SNTG2: variants seen among roughly 807,000 people sequenced by gnomAD.
SNTG2 encodes gamma-2-syntrophin.
A neutral mutation model predicts 70.9 loss-of-function variants in SNTG2; 74 were observed. That is an observed-to-expected ratio of 1.04 (90% CI 0.86 to 1.27). The LOEUF is 1.27. Among genes scored for constraint, SNTG2 ranks in the 50% most tolerant of loss-of-function variants. The pLI, the probability that SNTG2 is intolerant of heterozygous loss-of-function variation, is 0.00. For synonymous variants in SNTG2, 278 were observed against 273.8 expected (o/e 1.02, Z -0.15); for missense variants, 717 against 690.7 (o/e 1.04, Z -0.43).
rs1191064821 is a variant in SNTG2 at position 1,008,634 on chromosome 2, TGTC to T, written c.72+57569_72+57571del. ...GTATTAACATTACAGAAACCTGTAA[TGTC>T]GTAGAACTAATGATAGGTGACATAA... On this transcript the variant is annotated intron_variant, in intron 1 of 16. Transcript: ENST00000308624. 5.3e-5 allele frequency among the ~76,000 whole-genome samples: 8 copies of T among 152,350 alleles called. No homozygotes were observed. In the East Asian group the frequency reaches 1.3e-3, roughly 26 times the overall value.
intron 1 of SNTG2, among the ~76,000 whole-genome samples, chr2:1,034,768 A>G (rs767199431): frequency 1.5e-4 from 23 of 152,228 alleles, no homozygotes; most frequent in African/African-American, 5.3e-4. Flanking sequence ...CCGCACAATA[A>G]TAATGGGAGA....
At chr2:1,116,991 T>C (rs551045138) in intron 4 of SNTG2, among the ~76,000 whole-genome samples, 6 of 144,818 alleles carry the variant, frequency 4.1e-5, no homozygotes, top group Admixed American at 1.4e-4. Flanking sequence ...GTGGGTGCTC[T>C]GGTGTACGAG....
At chr2:1,166,087 T>C (rs1415391258) in intron 7 of SNTG2, among the ~76,000 whole-genome samples, 1 of 152,250 alleles carries the variant, frequency 6.6e-6, no homozygotes, top group Non-Finnish European at 1.5e-5. Context: ...ACTTGAATTG[T>C]GACCCAATAT....
At chr2:1,183,094 G>A (rs574978829) in intron 8 of SNTG2, among the ~76,000 whole-genome samples, 1 of 152,254 alleles carries the variant, frequency 6.6e-6, no homozygotes, top group African/African-American at 2.4e-5. Context: ...GATTCGTTTT[G>A]CCTGTTTTTG....
intron 7 of SNTG2, among the ~76,000 whole-genome samples, chr2:1,170,487 A>G (rs903672662): frequency 2.0e-5 from 3 of 152,122 alleles, no homozygotes; most frequent in African/African-American, 7.2e-5. Context: ...CCTGAAGTCA[A>G]CATCTGCTGG....
intron 6 of SNTG2, among the ~76,000 whole-genome samples, chr2:1,140,516 A>G (rs1200380993): frequency 2.0e-5 from 3 of 152,292 alleles, no homozygotes; most frequent in East Asian, 3.9e-4. Context: ...TTCCTCTCGT[A>G]CCTGTACCTG....
intron 6 of SNTG2, among the ~76,000 whole-genome samples, chr2:1,142,492 G>T (rs2068693): frequency 0.54 from 54,115 of 101,034 alleles, 10,727 homozygotes; most frequent in Middle Eastern, 0.64. Context: ...CCTCACTTAG[G>T]GTTTTTTCAA....
intron 16 of SNTG2, among the ~76,000 whole-genome samples, chr2:1,366,946 C>T (rs552939469): frequency 1.3e-5 from 2 of 152,346 alleles, no homozygotes; most frequent in Middle Eastern, 3.4e-3. Flanking sequence ...TCTGCTGCGA[C>T]GGGATCCACA....
At chr2:1,037,505 T>A (rs1424754490) in intron 1 of SNTG2, among the ~76,000 whole-genome samples, 2 of 152,184 alleles carry the variant, frequency 1.3e-5, no homozygotes, top group Non-Finnish European at 2.9e-5. Context: ...CCATTTTGCA[T>A]GCTCCCTGCC....
chr2:1,158,936 A>G (rs1670080983), intron 6 of SNTG2, among the ~76,000 whole-genome samples: 1 of 152,146 alleles, frequency 6.6e-6, no homozygotes, highest in Non-Finnish European at 1.5e-5. Flanking sequence ...GTCTAATGCA[A>G]GGTCTTGGAA....
At position 990,243 on chromosome 2, in the gene SNTG2, C is replaced by T. The variant is rs559820818; in HGVS notation, c.72+39175C>T. Among the ~76,000 whole-genome samples, 523 of 152,270 alleles carry T rather than the reference C, an allele frequency of 3.4e-3. 4 individuals are homozygous for T. Among genetic ancestry groups the T allele is most frequent in the African/African-American group, 0.011 (457 of 41,552 alleles). On this transcript the variant is annotated intron_variant, in intron 1 of 16. Transcript: ENST00000308624. ...TTTGCTTGGAGCCTGGCTCTGGAGC[C>T]GCCTCAGAGAGGCCTTGCTGTGTAC...
intron 14 of SNTG2, among the ~76,000 whole-genome samples, chr2:1,276,909 A>T (rs1248304103): frequency 6.6e-6 from 1 of 152,206 alleles, no homozygotes; most frequent in Admixed American, 6.5e-5. Flanking sequence ...ACTTTGAGGG[A>T]TTCAAGACTT....
At chr2:1,082,268 T>G (rs981214846) in intron 1 of SNTG2, among the ~76,000 whole-genome samples, 2 of 152,156 alleles carry the variant, frequency 1.3e-5, no homozygotes, top group Non-Finnish European at 2.9e-5. Context: ...AGCTGGTTTT[T>G]TAAATCCTTT....
chr2:1,130,013 T>C (rs1667921972), intron 4 of SNTG2, among the ~76,000 whole-genome samples: 1 of 152,246 alleles, frequency 6.6e-6, no homozygotes, highest in African/African-American at 2.4e-5. Context: ...GTAGAGTTCC[T>C]GACAATAAGA....
chr2:1,300,624 C>A (rs1558189726), intron 14 of SNTG2, among the ~76,000 whole-genome samples: 1 of 152,186 alleles, frequency 6.6e-6, no homozygotes, highest in South Asian at 2.1e-4. Flanking sequence ...CCTGATGTTG[C>A]TTCCGACAGC....
chr2:1,057,067 C>G (rs971235017), intron 1 of SNTG2, among the ~76,000 whole-genome samples: 3 of 151,626 alleles, frequency 2.0e-5, no homozygotes, highest in Non-Finnish European at 4.4e-5. Context: ...CCTGTGAGTG[C>G]AGGGTTGGAC....
At chr2:1,128,494 T>C (rs1667838677) in intron 4 of SNTG2, among the ~76,000 whole-genome samples, 1 of 152,170 alleles carries the variant, frequency 6.6e-6, no homozygotes, top group Admixed American at 6.5e-5. Context: ...GCCTTACACA[T>C]TTATTCATAA....
At chr2:1,327,206 G>T (rs1218458721) in intron 16 of SNTG2, among the ~76,000 whole-genome samples, 1 of 151,876 alleles carries the variant, frequency 6.6e-6, no homozygotes, top group African/African-American at 2.4e-5. Flanking sequence ...AACAATTTAT[G>T]AATACACATT....
chr2:1,224,593 T>C (rs1675639234), intron 9 of SNTG2, among the ~76,000 whole-genome samples: 1 of 152,170 alleles, frequency 6.6e-6, no homozygotes, highest in Admixed American at 6.5e-5. Flanking sequence ...GTGCCCAGCG[T>C]GGGAGGAGGA....
Sources: allele counts gnomAD v4.1 joint callset (sites outside exome capture counted in the v4.1 genomes callset), GRCh38; gene constraint gnomAD v4.1.1; transcripts MANE v1.5; gene names NCBI Gene and HGNC (gene_info 2026-07-23, HGNC 2026-07-21).